MXD4: variants seen among roughly 807,000 people sequenced by gnomAD.
MXD4 encodes the protein MAX dimerization protein 4.
In MXD4, 16 loss-of-function variants were observed where a neutral mutation model predicts 24.5. That is an observed-to-expected ratio of 0.65 (90% confidence interval 0.44 to 0.99). The LOEUF (loss-of-function observed/expected upper bound fraction) is 0.99. Among genes scored for constraint, MXD4 ranks in the 50% least tolerant of loss-of-function variants. The pLI is 0.00. For missense variants in MXD4, 301 were observed against 301.5 expected, an observed-to-expected ratio of 1.00 and a Z score of 0.01; for synonymous variants, 164 against 134.2, an observed-to-expected ratio of 1.22 and a Z score of -1.54.
intron 5 of MXD4, 139 bp from the exon 6 acceptor site, chr4:2,250,840 A>G: frequency 8.0e-7 from 1 of 1,256,080 alleles, no homozygotes; most frequent in Non-Finnish European, 1.1e-6. Flanking sequence ...AGCAGACGCC[A>G]GGAGGGCTCT....
chr4:2,258,066 C>G lies in MXD4; in HGVS notation c.165-55G>C. Reference sequence around the variant, plus strand: ...ACTCTTCTGCCTGCCCACCAGGGCACAGAGAGCAGTGCTCTCCTAGGGGGC... The same window carrying G: ...ACTCTTCTGCCTGCCCACCAGGGCAGAGAGAGCAGTGCTCTCCTAGGGGGC... On this transcript the variant is annotated intron_variant, in intron 2 of 5. Coordinates refer to ENST00000337190, the MANE Select transcript of MXD4 (RefSeq NM_006454.3). 3.1e-6 allele frequency: 5 copies of G among 1,605,540 alleles called. No individual in the cohort carries two copies. The South Asian group carries it at 3.3e-5, about 11-fold the overall frequency.
intron 3 of MXD4, chr4:2,254,633 T>C (rs1337141972): frequency 6.6e-6 from 1 of 152,454 alleles, no homozygotes; most frequent in Non-Finnish European, 1.5e-5. Flanking sequence ...GTATTTGTGG[T>C]ATTTTGAGCT....
chr4:2,258,851 T>C (rs1331118558), intron 2 of MXD4: 1 of 453,826 alleles, frequency 2.2e-6, no homozygotes, highest in African/African-American at 2.0e-5. Context: ...CGGGCTCAGC[T>C]TCTCTGGGGA....
At chr4:2,251,467 C>A (rs1251245482) in intron 4 of MXD4, among the ~76,000 whole-genome samples, 1 of 152,248 alleles carries the variant, frequency 6.6e-6, no homozygotes, top group Non-Finnish European at 1.5e-5. Context: ...ATGCCACCTC[C>A]CAGCCCTGTG....
chr4:2,258,838 G>A lies in MXD4; in HGVS notation c.165-827C>T, dbSNP rs974997261. ...GCTAGCAGGATGGGCTGCCCTGGAG[G>A]CCCGGGCTCAGCTTCTCTGGGGACA... On this transcript the variant is annotated intron_variant, in intron 2 of 5. Coordinates refer to ENST00000337190, the MANE Select transcript of MXD4 (RefSeq NM_006454.3). 7 of 450,122 alleles carry A rather than the reference G, an allele frequency of 1.6e-5. No individual in the cohort carries two copies. The East Asian group carries it at 4.9e-4, about 32-fold the overall frequency. The allele number at this position is 450,122 out of a possible 1,614,324, so 27.9% of individuals were successfully genotyped here.
intron 3 of MXD4, chr4:2,254,706 G>A (rs955872737): frequency 2.6e-5 from 4 of 153,858 alleles, no homozygotes; most frequent in African/African-American, 9.6e-5. Flanking sequence ...GACACAAACA[G>A]GCTGCAGGAC....
chr4:2,257,055 C>T (rs1430189029), intron 3 of MXD4, among the ~76,000 whole-genome samples: 2 of 152,218 alleles, frequency 1.3e-5, no homozygotes, highest in African/African-American at 4.8e-5. Flanking sequence ...CCAGGAAGTG[C>T]AGTTCCTCAG....
chr4:2,254,125 C>T (rs1199442345), intron 3 of MXD4: 1 of 152,206 alleles, frequency 6.6e-6, no homozygotes, highest in African/African-American at 2.4e-5. Context: ...AATGGCTTTC[C>T]ATCCCACCAT....
At chr4:2,253,001 G>A (rs544791494) in intron 3 of MXD4, 166 of 158,114 alleles carry the variant, frequency 1.0e-3, no homozygotes, top group Non-Finnish European at 2.0e-3. Context: ...CTAGGTCAAG[G>A]GAGGGCCAGG....
intron 3 of MXD4, chr4:2,255,155 G>A (rs758361135): frequency 7.7e-6 from 3 of 387,706 alleles, no homozygotes; most frequent in Non-Finnish European, 1.6e-5. Context: ...CAGGACTTAC[G>A]TACGTGGTGT....
rs1470734641 is a variant in MXD4 at position 2,248,922 on chromosome 4, ACCCAG to A, written c.*1617_*1621del. On this transcript the variant is annotated 3_prime_UTR_variant, in exon 6 of 6. Coordinates refer to ENST00000337190, the MANE Select transcript of MXD4 (RefSeq NM_006454.3). ...AGCCTCCTGGTGCCAGGCCTGCACC[ACCCAG>A]CGAGCACAGTCTTCATTGGCTGCCA... 6.6e-6 allele frequency: 1 copy of A among 152,366 alleles called. No individual in the cohort carries two copies. The highest frequency in any genetic ancestry group is 1.5e-5 in the Non-Finnish European group (1 of 68,144). 9.4% of individuals were successfully genotyped at this position (152,366 alleles called of 1,614,324 possible). A position where few individuals can be genotyped will look rare whatever the true frequency, so the allele number is the denominator to read the frequency against.
rs1013659639 is a variant in MXD4 at position 2,252,934 on chromosome 4, C to T, written c.195-412G>A. 17 of 183,788 alleles carry T rather than the reference C, an allele frequency of 9.2e-5. 1 individual carries two copies. The highest frequency in any genetic ancestry group is 8.0e-4 in the Admixed American group (15 of 18,680). 11.4% of individuals were successfully genotyped at this position (183,788 alleles called of 1,614,324 possible). ...CCCAGACAAGATTCACGTCTCTCTA[C>T]CTCATCGTGCACAACGTGCTCTCTG... On this transcript the variant is annotated intron_variant, in intron 3 of 5. Transcript: ENST00000337190.
chr4:2,261,337 A>T (rs2108792212), intron 2 of MXD4, among the ~76,000 whole-genome samples: 1 of 152,254 alleles, frequency 6.6e-6, no homozygotes, highest in East Asian at 1.9e-4. Context: ...CAGCCCCCGC[A>T]GACCCTGGCT....
At chr4:2,258,852 T>C (rs753303765) in intron 2 of MXD4, 90 of 454,086 alleles carry the variant, frequency 2.0e-4, no homozygotes, top group Middle Eastern at 3.4e-4. Context: ...GGGCTCAGCT[T>C]CTCTGGGGAC....
At position 2,251,111 on chromosome 4, in the gene MXD4, C is replaced by G; in HGVS notation, c.445G>C (p.Ala149Pro). Residue 149 changes from alanine (A) to proline (P), a missense_variant, in exon 5 of 6, where the codon GCT (alanine) becomes CCT (proline). By Grantham distance (27) the Ala-to-Pro change is conservative. Coordinates refer to ENST00000337190, the MANE Select transcript of MXD4 (RefSeq NM_006454.3). ...TGCTCTGAGTCGTCCGTGGAGACAG[C>G]AGAGCCCGTGCTATCTGTGCGCACG... ...ERVRTDSTGSAVSTDDSEQEV... is the reference protein window; with the variant it reads ...ERVRTDSTGSPVSTDDSEQEV... The G allele has an allele frequency of 6.3e-7, 1 of 1,584,934 alleles. No individual in the cohort carries two copies. The highest frequency in any genetic ancestry group is 8.6e-7 in the Non-Finnish European group (1 of 1,161,636).
At chr4:2,251,636 T>C (rs1735325309) in intron 4 of MXD4, among the ~76,000 whole-genome samples, 1 of 152,248 alleles carries the variant, frequency 6.6e-6, no homozygotes, top group Non-Finnish European at 1.5e-5. Context: ...CTCCCAGCCC[T>C]GCCCGCCCCC....
chr4:2,259,448 C>T (rs1175033109), intron 2 of MXD4, among the ~76,000 whole-genome samples: 1 of 152,230 alleles, frequency 6.6e-6, no homozygotes, highest in Admixed American at 6.5e-5. Context: ...GCCCCTACGC[C>T]AGCGTTTCTG....
chr4:2,259,243 C>G (rs1034091958), intron 2 of MXD4, among the ~76,000 whole-genome samples: 1 of 152,232 alleles, frequency 6.6e-6, no homozygotes, highest in African/African-American at 2.4e-5. Flanking sequence ...CCCTCCCACC[C>G]GCTGCACCAA....
intron 2 of MXD4, among the ~76,000 whole-genome samples, chr4:2,259,993 T>TGGG (rs947366896): frequency 2.6e-5 from 4 of 152,020 alleles, no homozygotes; most frequent in African/African-American, 9.7e-5. Flanking sequence ...GCCTCACAGG[T>TGGG]GGGGACAAGT....
Sources: gnomAD v4.1 joint callset for allele counts (sites outside exome capture counted in the v4.1 genomes callset) on GRCh38, gnomAD v4.1.1 for gene constraint, MANE v1.5 for transcripts, NCBI Gene and HGNC (gene_info 2026-07-23, HGNC 2026-07-21) for gene names.